FBN2: variants seen among roughly 807,000 people sequenced by gnomAD.
FBN2 encodes the protein fibrillin 2, also known as fibrillin-2.
Under a neutral mutation model 355.6 loss-of-function variants are expected in FBN2, and 105 were observed. That is an observed-to-expected ratio of 0.30 (90% CI 0.25 to 0.35). The LOEUF is 0.35. FBN2 is among the 10% of genes least tolerant of loss of function. The pLI is 1.00. For synonymous variants in FBN2, 1,350 were observed against 1,301.2 expected (o/e 1.04, Z -0.81); for missense variants, 3,280 against 3,758.7 (o/e 0.87, Z 3.33).
At chr5:128,357,193 C>G (rs1751522642) in intron 20 of FBN2, 83 bp downstream of exon 20, 2 of 1,547,502 alleles carry the variant, frequency 1.3e-6, no homozygotes, top group Non-Finnish European at 1.8e-6. Flanking sequence ...GAATCATATT[C>G]TGTTTTTATC....
intron 7 of FBN2, among the ~76,000 whole-genome samples, chr5:128,426,787 C>T (rs1753493472): frequency 6.6e-6 from 1 of 152,106 alleles, no homozygotes; most frequent in Admixed American, 6.5e-5. Context: ...TTCAAGGTTG[C>T]AGTAAGGACG....
Position 128,393,226 on chromosome 5 carries a change from G to A in FBN2, c.1374C>T (p.Phe458=). The A allele has an allele frequency of 6.2e-7, 1 of 1,614,182 alleles. No homozygotes were observed. The highest frequency in any genetic ancestry group is 8.5e-7 in the Non-Finnish European group (1 of 1,180,030). ...GNGYGPGGTG[F]IPIPGGNGFS... ...AGCCATTGCCTCCAGGGATGGGGAT[G>A]AAGCCTGTCCCTCCTGGGCCATAGC... Residue 458 remains phenylalanine, a synonymous_variant, in exon 10 of 65, where the codon TTC becomes TTT. Coordinates refer to ENST00000262464, the MANE Select transcript of FBN2 (RefSeq NM_001999.4).
chr5:128,264,343 C>CG (rs397721832), intron 62 of FBN2, among the ~76,000 whole-genome samples: 2 of 470 alleles, frequency 4.3e-3, no homozygotes, highest in Admixed American at 0.067. Context: ...GAACGAACAA[C>CG]TAGTTCAGTT....
At chr5:128,476,713 A>T (rs941975264) in intron 5 of FBN2, among the ~76,000 whole-genome samples, 1 of 151,910 alleles carries the variant, frequency 6.6e-6, no homozygotes, top group African/African-American at 2.4e-5. Flanking sequence ...GTCTTAATAG[A>T]CAGGTTTACA....
At chr5:128,528,032 G>T in intron 3 of FBN2, 65 bp from the exon 4 acceptor site, 1 of 1,031,710 alleles carries the variant, frequency 9.7e-7, no homozygotes, top group Non-Finnish European at 1.5e-6. Context: ...TATGTGAGAG[G>T]TTATAAAACT....
At chr5:128,307,983 C>T (rs1219907388) in intron 41 of FBN2, among the ~76,000 whole-genome samples, 1 of 151,988 alleles carries the variant, frequency 6.6e-6, no homozygotes, top group Non-Finnish European at 1.5e-5. Context: ...GATAGAAAGA[C>T]CACAGATGCT....
At chr5:128,350,032 C>T in intron 21 of FBN2, 27 bp from the exon 22 acceptor site, 7 of 1,586,530 alleles carry the variant, frequency 4.4e-6, no homozygotes, top group Non-Finnish European at 6.1e-6. Flanking sequence ...ACAAATTTTA[C>T]TTCATTATAG....
intron 58 of FBN2, among the ~76,000 whole-genome samples, chr5:128,277,434 C>G (rs1370793365): frequency 6.6e-6 from 1 of 152,162 alleles, no homozygotes; most frequent in African/African-American, 2.4e-5. Context: ...AGCAGAGAAA[C>G]ATGGAAAACA....
intron 8 of FBN2, among the ~76,000 whole-genome samples, chr5:128,398,257 C>T (rs1752702230): frequency 6.6e-6 from 1 of 151,902 alleles, no homozygotes. Flanking sequence ...GAGCTGCTAA[C>T]AGGAAAATAC....
chr5:128,516,538 T>C (rs1021109672), intron 5 of FBN2, among the ~76,000 whole-genome samples: 1 of 152,158 alleles, frequency 6.6e-6, no homozygotes, highest in African/African-American at 2.4e-5. Context: ...TGGAAACCAG[T>C]CTGCCAAAAG....
At chr5:128,410,715 G>A (rs1485652592) in intron 7 of FBN2, among the ~76,000 whole-genome samples, 1 of 152,066 alleles carries the variant, frequency 6.6e-6, no homozygotes, top group Non-Finnish European at 1.5e-5. Context: ...ATAAATCTGG[G>A]ACATAGAAGG....
intron 7 of FBN2, among the ~76,000 whole-genome samples, chr5:128,442,591 C>T (rs575367455): frequency 3.3e-4 from 50 of 152,014 alleles, no homozygotes; most frequent in Middle Eastern, 3.4e-3. Flanking sequence ...TAATTTTATC[C>T]GCTGTATTAC....
rs1457991714 is a variant in FBN2, at chr5:128,292,839, A to C, written c.6167-1185T>G. Among the ~76,000 whole-genome samples the C allele has an allele frequency of 2.6e-5, 4 of 152,258 alleles. No homozygotes were observed. In the East Asian group the frequency reaches 7.7e-4, roughly 29 times the overall value. ...AATCCTCTGTGACAGGCTTTCTTGA[A>C]CTGCCACCCTCTCACAACTACCATA... On this transcript the variant is annotated intron_variant, in intron 48 of 64. Coordinates refer to ENST00000262464, the MANE Select transcript of FBN2 (RefSeq NM_001999.4).
At chr5:128,468,995 T>A (rs776010125) in intron 5 of FBN2, among the ~76,000 whole-genome samples, 3 of 152,170 alleles carry the variant, frequency 2.0e-5, no homozygotes, top group Non-Finnish European at 4.4e-5. Flanking sequence ...GTTCTCTTAA[T>A]TGTATAACTT....
chr5:128,469,114 G>A (rs2127090364), intron 5 of FBN2, among the ~76,000 whole-genome samples: 1 of 152,280 alleles, frequency 6.6e-6, no homozygotes. Flanking sequence ...AGAAAGAGAG[G>A]AGGAAGGAGA....
rs70997371 is a variant in FBN2, at chr5:128,455,990, C to CAAAAAAAAAAAAAAA, written c.826+8719_826+8733dup. ...GAGCTCCTTGGGGGAGGGTTAGCAACAAAAAAAAAAAAAAAAAAAAAAAAA... is the reference window on the plus strand; with the variant it reads ...GAGCTCCTTGGGGGAGGGTTAGCAACAAAAAAAAAAAAAAAAAAAAAAAAAAAAAAAAAAAAAAAA... On this transcript the variant is annotated intron_variant, in intron 6 of 64. Transcript: ENST00000262464. Among the ~76,000 whole-genome samples, 17 of 25,276 alleles carry CAAAAAAAAAAAAAAA rather than the reference C, an allele frequency of 6.7e-4. 6 individuals are homozygous for CAAAAAAAAAAAAAAA. Among genetic ancestry groups the CAAAAAAAAAAAAAAA allele is most frequent in the Non-Finnish European group, 9.5e-4 (12 of 12,632 alleles). The allele number at this position is 25,276 out of a possible 152,430, so 16.6% of individuals were successfully genotyped here.
chr5:128,360,743 A>T (rs1323223081), intron 19 of FBN2, among the ~76,000 whole-genome samples: 3 of 151,982 alleles, frequency 2.0e-5, no homozygotes, highest in Non-Finnish European at 4.4e-5. Context: ...AAACAGTAAG[A>T]TGAAGAGAGA....
intron 7 of FBN2, among the ~76,000 whole-genome samples, chr5:128,411,804 C>T (rs1171702721): frequency 6.6e-6 from 1 of 152,216 alleles, no homozygotes; most frequent in Non-Finnish European, 1.5e-5. Context: ...CTAGTATTTC[C>T]CTGCCTCCTG....
chr5:128,350,525 T>C (rs1751323228), intron 21 of FBN2, among the ~76,000 whole-genome samples: 1 of 152,196 alleles, frequency 6.6e-6, no homozygotes, highest in African/African-American at 2.4e-5. Flanking sequence ...CACTCCAGCC[T>C]GGTGACAGAG....
Sources: allele counts gnomAD v4.1 joint callset (sites outside exome capture counted in the v4.1 genomes callset), GRCh38; gene constraint gnomAD v4.1.1; transcripts MANE v1.5; gene names NCBI Gene and HGNC (gene_info 2026-07-23, HGNC 2026-07-21).